Variants in PDE4D observed in about 807,000 individuals in gnomAD.
PDE4D encodes 3',5'-cyclic-AMP phosphodiesterase 4D.
A neutral mutation model predicts 87.4 loss-of-function variants in PDE4D; 24 were observed. That is an observed-to-expected ratio of 0.27 (90% CI 0.20 to 0.39). PDE4D has a LOEUF of 0.39. Ranked by LOEUF, PDE4D falls within the 10% of genes least tolerant of loss-of-function variation. The pLI, the probability that PDE4D is intolerant of heterozygous loss-of-function variation, is 1.00. For missense variants in PDE4D, 714 were observed against 1,041.0 expected, an observed-to-expected ratio of 0.69 and a Z score of 4.32; for synonymous variants, 384 against 383.2, an observed-to-expected ratio of 1.00 and a Z score of -0.02.
intron 1 of PDE4D, among the ~76,000 whole-genome samples, chr5:59,868,016 T>C (rs949646861): frequency 6.6e-6 from 1 of 152,084 alleles, no homozygotes; most frequent in Non-Finnish European, 1.5e-5. Flanking sequence ...ACCCAATTAA[T>C]CAATTGATCT....
At chr5:59,200,035 A>G (rs999422230) in intron 2 of PDE4D, among the ~76,000 whole-genome samples, 5 of 104,996 alleles carry the variant, frequency 4.8e-5, no homozygotes, top group African/African-American at 1.5e-4. Flanking sequence ...ACATACATGC[A>G]CACACACGTA....
At position 59,108,955 on chromosome 5, in the gene PDE4D, A is replaced by ATGTGTGTGTGTGTGTG. The variant is rs57004711; in HGVS notation, c.809-70000_809-69985dup. On this transcript the variant is annotated intron_variant, in intron 5 of 14. Coordinates refer to ENST00000340635, the MANE Select transcript of PDE4D (RefSeq NM_001104631.2). ...AAAAAAACAAATTCATAGGAACTCA[A>ATGTGTGTGTGTGTGTG]TGTGTGTGTGTGTGTGTGTGTGTGT... is the stretch of plus-strand genomic sequence containing the variant. 4.9e-5 allele frequency among the ~76,000 whole-genome samples: 6 copies of ATGTGTGTGTGTGTGTG among 121,870 alleles called. No individual in the cohort carries two copies. In the Admixed American group the frequency reaches 5.0e-4, roughly 10 times the overall value. 80.0% of individuals were successfully genotyped at this position (121,870 alleles called of 152,430 possible). A position where few individuals can be genotyped will look rare whatever the true frequency, so the allele number is the denominator to read the frequency against.
intron 1 of PDE4D, among the ~76,000 whole-genome samples, chr5:59,483,159 C>T (rs1321685830): frequency 2.0e-5 from 3 of 152,148 alleles, no homozygotes; most frequent in South Asian, 2.1e-4. Context: ...TCAAGCCTGC[C>T]AGCTTTCAGA....
chr5:60,123,767 C>T (rs904901128), intron 2 of PDE4D, among the ~76,000 whole-genome samples: 7 of 152,060 alleles, frequency 4.6e-5, no homozygotes, highest in African/African-American at 1.7e-4. Flanking sequence ...AGGAAGAAAA[C>T]CCTAATTTCC....
intron 10 of PDE4D, 125 bp from the exon 11 acceptor site, chr5:58,988,717 T>C (rs988856982): frequency 1.1e-5 from 5 of 450,864 alleles, no homozygotes; most frequent in Non-Finnish European, 1.9e-5. Flanking sequence ...TGTGTTACAA[T>C]GTGTCAAGGG....
intron 2 of PDE4D, among the ~76,000 whole-genome samples, chr5:60,059,892 C>G (rs544874356): frequency 6.6e-6 from 1 of 152,052 alleles, no homozygotes; most frequent in Admixed American, 6.6e-5. Context: ...TCTGATCCCC[C>G]CCAGGAAAAC....
intron 1 of PDE4D, among the ~76,000 whole-genome samples, chr5:59,670,032 A>T (rs1388836060): frequency 6.6e-6 from 1 of 151,964 alleles, no homozygotes; most frequent in Non-Finnish European, 1.5e-5. Flanking sequence ...CACTCTGTGG[A>T]CTCTATGCCA....
At chr5:60,037,689 G>A (rs1041226482) in intron 2 of PDE4D, among the ~76,000 whole-genome samples, 2 of 152,174 alleles carry the variant, frequency 1.3e-5, no homozygotes, top group Non-Finnish European at 2.9e-5. Flanking sequence ...GTTTTGAAGG[G>A]AGACAGGTAG....
chr5:59,417,696 C>T (rs142430543), intron 1 of PDE4D, among the ~76,000 whole-genome samples: 1 of 152,160 alleles, frequency 6.6e-6, no homozygotes, highest in African/African-American at 2.4e-5. Context: ...TCTACAATTC[C>T]AAAATTATGT....
chr5:59,184,488 G>T (rs1742427321), intron 4 of PDE4D, among the ~76,000 whole-genome samples: 1 of 150,958 alleles, frequency 6.6e-6, no homozygotes, highest in Non-Finnish European at 1.5e-5. Flanking sequence ...TGATTTAAAT[G>T]TTTTTTTTCC....
intron 1 of PDE4D, among the ~76,000 whole-genome samples, chr5:59,371,132 A>C (rs1209253253): frequency 6.6e-6 from 1 of 152,194 alleles, no homozygotes; most frequent in East Asian, 1.9e-4. Flanking sequence ...AGGGAAGCCA[A>C]AAGATTGAAT....
chr5:59,469,875 A>AATCAT (rs1282695426), intron 1 of PDE4D, among the ~76,000 whole-genome samples: 24 of 152,318 alleles, frequency 1.6e-4, no homozygotes, highest in African/African-American at 5.3e-4. Flanking sequence ...AAGCACAAAA[A>AATCAT]GGCATTGCAC....
chr5:59,493,832 T>C (rs1025388528), intron 1 of PDE4D, among the ~76,000 whole-genome samples: 2 of 152,184 alleles, frequency 1.3e-5, no homozygotes, highest in African/African-American at 4.8e-5. Context: ...TTAAGTTCGA[T>C]TCATGAAGCT....
intron 5 of PDE4D, among the ~76,000 whole-genome samples, chr5:59,088,637 A>G (rs1768153105): frequency 6.6e-6 from 1 of 152,304 alleles, no homozygotes; most frequent in South Asian, 2.1e-4. Context: ...AGAATGAGAT[A>G]GTGTCCTTTC....
At chr5:59,412,190 G>T (rs891330370) in intron 1 of PDE4D, among the ~76,000 whole-genome samples, 3 of 152,036 alleles carry the variant, frequency 2.0e-5, no homozygotes, top group Admixed American at 6.5e-5. Context: ...TGTTTTCAAG[G>T]GTTGTACTAA....
chr5:59,616,382 T>C (rs1358990753), intron 1 of PDE4D, among the ~76,000 whole-genome samples: 1 of 152,190 alleles, frequency 6.6e-6, no homozygotes, highest in Admixed American at 6.6e-5. Flanking sequence ...AGAATTCAGC[T>C]CAGTATTTTG....
intron 5 of PDE4D, among the ~76,000 whole-genome samples, chr5:59,056,709 CTGTTCCTGTGTTAGTTTGCTGAGAA>C (rs1305125104): frequency 6.6e-6 from 1 of 152,080 alleles, no homozygotes. Context: ...GTTTCGTTTT[CTGTTCCTGTGTTAGTTTGCTGAGAA>C]TGATGGCTTC....
chr5:59,265,749 T>C lies in PDE4D; in HGVS notation c.456-49781A>G, dbSNP rs572534882. ...TCAAATTTAGGCAAGCCACTTTACT[T>C]CATTAGGCCTCAGTCTGAGGAATAA... On this transcript the variant is annotated intron_variant, in intron 1 of 14. Transcript: ENST00000340635. Among the ~76,000 whole-genome samples, 3 of 152,178 alleles carry C rather than the reference T, an allele frequency of 2.0e-5. No individual in the cohort carries two copies. The South Asian group carries it at 6.2e-4, about 32-fold the overall frequency.
intron 1 of PDE4D, among the ~76,000 whole-genome samples, chr5:59,428,931 T>C (rs1328794216): frequency 6.6e-6 from 1 of 152,188 alleles, no homozygotes; most frequent in Middle Eastern, 3.2e-3. Flanking sequence ...ACCTATACAA[T>C]TAAATACTAA....
Sources: gnomAD v4.1 joint callset for allele counts (sites outside exome capture counted in the v4.1 genomes callset) on GRCh38, gnomAD v4.1.1 for gene constraint, MANE v1.5 for transcripts, NCBI Gene and HGNC (gene_info 2026-07-23, HGNC 2026-07-21) for gene names.